Variants in NPLOC4 observed in about 807,000 individuals in gnomAD.
The protein encoded by NPLOC4 is nuclear protein localization protein 4 homolog.
A neutral mutation model predicts 80.6 loss-of-function variants in NPLOC4; 18 were observed. The ratio of observed to expected loss-of-function variants is 0.22; its 90% CI spans 0.15 to 0.33. NPLOC4 has a LOEUF of 0.33. NPLOC4 is among the 10% of genes least tolerant of loss of function. The probability of loss-of-function intolerance (pLI) is 1.00; values close to 1 mark genes in which losing one functional copy is unlikely to be tolerated. For synonymous variants in NPLOC4, 313 were observed against 301.5 expected (o/e 1.04, Z -0.39); for missense variants, 540 against 786.1 (o/e 0.69, Z 3.74).
intron 4 of NPLOC4, 191 bp downstream of exon 4, chr17:81,613,127 T>TAA (rs56233095): frequency 0.1 from 43,933 of 421,862 alleles, 934 homozygotes; most frequent in Middle Eastern, 0.17. Flanking sequence ...GATAAAAAGC[T>TAA]AAAAAAAAAA....
At chr17:81,610,637 C>T (rs969170894) in intron 4 of NPLOC4, among the ~76,000 whole-genome samples, 4 of 152,182 alleles carry the variant, frequency 2.6e-5, no homozygotes, top group African/African-American at 7.2e-5. Context: ...CCTGTGACTT[C>T]ATGGGTATCC....
intron 10 of NPLOC4, 116 bp downstream of exon 10, chr17:81,597,129 T>C (rs1318988695): frequency 1.4e-6 from 1 of 713,352 alleles, no homozygotes; most frequent in Non-Finnish European, 2.4e-6. Flanking sequence ...TACAAATAAA[T>C]AAATAATGGG....
intron 12 of NPLOC4, among the ~76,000 whole-genome samples, chr17:81,581,613 T>TC (rs1259696720): frequency 6.6e-6 from 1 of 151,560 alleles, no homozygotes; most frequent in Admixed American, 6.6e-5. Flanking sequence ...CTCTCCTCAC[T>TC]CCCCCACAAC....
chr17:81,587,696 C>CA (rs1420804710), intron 12 of NPLOC4, among the ~76,000 whole-genome samples: 1 of 93,994 alleles, frequency 1.1e-5, no homozygotes, highest in Non-Finnish European at 2.0e-5. Flanking sequence ...TTTTTTGAGA[C>CA]AGAGTCTAGC....
At position 81,567,686 on chromosome 17, in the gene NPLOC4, G is replaced by C. The variant is rs1277992107; in HGVS notation, c.1450-153C>G. On this transcript the variant is annotated intron_variant, in intron 14 of 16. Coordinates refer to ENST00000331134, the MANE Select transcript of NPLOC4 (RefSeq NM_017921.4). The surrounding 1 kb of genome is among the most constrained non-coding windows in gnomAD (Gnocchi z 4.5). Reference sequence around the variant, plus strand: ...GCAACCACGAACAGGGTCCAAGAAAGAGGAGCAGGCAGCTGCAAAGCAAGC... The same window carrying C: ...GCAACCACGAACAGGGTCCAAGAAACAGGAGCAGGCAGCTGCAAAGCAAGC... Among the ~76,000 whole-genome samples the C allele has an allele frequency of 1.3e-5, 2 of 152,226 alleles. No individual in the cohort carries two copies. The highest frequency in any genetic ancestry group is 4.8e-5 in the African/African-American group (2 of 41,460).
chr17:81,569,534 A>G (rs536198999), intron 13 of NPLOC4, among the ~76,000 whole-genome samples: 4 of 152,366 alleles, frequency 2.6e-5, no homozygotes, highest in African/African-American at 9.6e-5. Flanking sequence ...ACTTTGCTCA[A>G]GAGAGATTCG....
intron 10 of NPLOC4, among the ~76,000 whole-genome samples, 163 bp from the exon 11 acceptor site, chr17:81,596,405 C>T (rs1428686092): frequency 1.3e-5 from 2 of 152,166 alleles, no homozygotes; most frequent in East Asian, 3.9e-4. Flanking sequence ...GACAAGAGTT[C>T]GAGACCAGCC....
chr17:81,635,667 A>G (rs1312421439), intron 1 of NPLOC4, among the ~76,000 whole-genome samples: 1 of 152,118 alleles, frequency 6.6e-6, no homozygotes, highest in Non-Finnish European at 1.5e-5. Flanking sequence ...TGGGCTTCCC[A>G]AAGTGCTGGG....
At chr17:81,616,264 T>C (rs1197192507) in intron 3 of NPLOC4, among the ~76,000 whole-genome samples, 1 of 135,106 alleles carries the variant, frequency 7.4e-6, no homozygotes, top group African/African-American at 2.9e-5. Flanking sequence ...GAGCTTGCAG[T>C]GAGCTGAGAT....
At chr17:81,631,702 G>A (rs8074989) in intron 1 of NPLOC4, among the ~76,000 whole-genome samples, 1 of 151,786 alleles carries the variant, frequency 6.6e-6, no homozygotes, top group Non-Finnish European at 1.5e-5. Context: ...AGGAACATGC[G>A]CATAAGTGTC....
chr17:81,595,552 TTTC>T (rs1160332435), intron 11 of NPLOC4, among the ~76,000 whole-genome samples: 1 of 150,514 alleles, frequency 6.6e-6, no homozygotes, highest in African/African-American at 2.4e-5. Flanking sequence ...TTTCTTTTCT[TTTC>T]TTTTTTTGAG....
At chr17:81,616,149 T>G (rs531306041) in intron 3 of NPLOC4, among the ~76,000 whole-genome samples, 2 of 150,386 alleles carry the variant, frequency 1.3e-5, no homozygotes, top group Non-Finnish European at 3.0e-5. Context: ...AAACCTCGTC[T>G]CTGCTAAAAA....
chr17:81,561,587 T>G (rs891903729), intron 16 of NPLOC4, among the ~76,000 whole-genome samples: 16 of 152,086 alleles, frequency 1.1e-4, no homozygotes, highest in African/African-American at 3.9e-4. Flanking sequence ...AATAACTGTT[T>G]TACAGTTTTT....
At chr17:81,625,501 A>C (rs2035772049) in intron 2 of NPLOC4, among the ~76,000 whole-genome samples, 1 of 152,222 alleles carries the variant, frequency 6.6e-6, no homozygotes, top group Admixed American at 6.5e-5. Context: ...TCAAATGGAA[A>C]TTCTAGAACT....
intron 11 of NPLOC4, among the ~76,000 whole-genome samples, chr17:81,591,950 TG>T (rs2034758697): frequency 6.6e-6 from 1 of 151,844 alleles, no homozygotes; most frequent in East Asian, 1.9e-4. Flanking sequence ...GCCCAGTGTG[TG>T]GGGTAAGTTC....
chr17:81,563,588 G>GAA (rs751552683), intron 16 of NPLOC4: 89 of 145,538 alleles, frequency 6.1e-4, no homozygotes, highest in South Asian at 1.4e-3. Flanking sequence ...AAACAAAAAA[G>GAA]AAAAAAAAAA....
chr17:81,568,579 G>A (rs1432780637), intron 14 of NPLOC4, among the ~76,000 whole-genome samples: 1 of 152,248 alleles, frequency 6.6e-6, no homozygotes, highest in African/African-American at 2.4e-5. Context: ...GCCAGTGAGA[G>A]CAGAGGCCAA....
chr17:81,583,816 T>C (rs2034504087), intron 12 of NPLOC4, among the ~76,000 whole-genome samples: 2 of 152,186 alleles, frequency 1.3e-5, no homozygotes, highest in Non-Finnish European at 1.5e-5. Flanking sequence ...TCCCACCCCA[T>C]GTGTGAGTGC....
intron 3 of NPLOC4, chr17:81,614,275 CAAAA>C (rs535340434): frequency 3.3e-5 from 2 of 60,164 alleles, no homozygotes; most frequent in Non-Finnish European, 2.9e-5. Flanking sequence ...GGCTCCATCT[CAAAA>C]AAAAAAAAAA....
Sources: allele counts gnomAD v4.1 joint callset (sites outside exome capture counted in the v4.1 genomes callset), GRCh38; gene constraint gnomAD v4.1.1; non-coding constraint Gnocchi (gnomAD v3.1); transcripts MANE v1.5; gene names NCBI Gene and HGNC (gene_info 2026-07-23, HGNC 2026-07-21).